Variants in ZFPM2 observed in about 807,000 individuals in gnomAD.
The protein encoded by ZFPM2 is zinc finger protein, FOG family member 2.
In ZFPM2, 20 loss-of-function variants were observed where a neutral mutation model predicts 98.6. The observed-to-expected ratio is 0.20, with a 90% CI of 0.14 to 0.29. The LOEUF (loss-of-function observed/expected upper bound fraction) is 0.29. Ranked by LOEUF, ZFPM2 falls within the 10% of genes least tolerant of loss-of-function variation. ZFPM2 has a pLI of 1.00. For missense variants in ZFPM2, 1,310 were observed against 1,388.6 expected (o/e 0.94, Z 0.90); for synonymous variants, 518 against 502.7 (o/e 1.03, Z -0.41).
At chr8:105,561,571 T>G (rs1193343379) in intron 4 of ZFPM2, 90 bp downstream of exon 4, 1 of 1,027,334 alleles carries the variant, frequency 9.7e-7, no homozygotes, top group East Asian at 2.6e-5. Context: ...TGCTTTCCAA[T>G]GAAATCACTA....
At chr8:105,687,951 AAAT>A (rs1810779208) in intron 5 of ZFPM2, among the ~76,000 whole-genome samples, 1 of 152,110 alleles carries the variant, frequency 6.6e-6, no homozygotes, top group African/African-American at 2.4e-5. Flanking sequence ...GCAAAAAAGA[AAAT>A]AAAGTTGAGT....
intron 1 of ZFPM2, among the ~76,000 whole-genome samples, chr8:105,386,302 T>A (rs1810988718): frequency 6.6e-6 from 1 of 152,154 alleles, no homozygotes; most frequent in African/African-American, 2.4e-5. Context: ...CATACATTTT[T>A]AATTTTTTTA....
At chr8:105,616,988 G>A (rs942168210) in intron 4 of ZFPM2, among the ~76,000 whole-genome samples, 2 of 118,620 alleles carry the variant, frequency 1.7e-5, no homozygotes, top group Admixed American at 1.2e-4. Flanking sequence ...CTGCACTCCA[G>A]CCTGGGGGAC....
intron 5 of ZFPM2, among the ~76,000 whole-genome samples, chr8:105,684,072 T>C (rs1384188842): frequency 2.0e-5 from 3 of 152,132 alleles, no homozygotes; most frequent in Admixed American, 1.3e-4. Context: ...ACCTTACAGA[T>C]AGAGAAATCA....
intron 5 of ZFPM2, among the ~76,000 whole-genome samples, chr8:105,669,790 A>G (rs1174437812): frequency 6.6e-6 from 1 of 152,172 alleles, no homozygotes; most frequent in African/African-American, 2.4e-5. Flanking sequence ...GACTACAGCT[A>G]TGTCATGTAG....
Position 105,801,396 on chromosome 8 carries a change from G to T in ZFPM2, c.1314G>T (p.Leu438=), listed in dbSNP as rs758891403. ...AAGATGCGAGCTCTGACACAGAGCTGGACAAGTGTGAGAAAAAGACTCAGC... is the reference window on the plus strand; with the variant it reads ...AAGATGCGAGCTCTGACACAGAGCTTGACAAGTGTGAGAAAAAGACTCAGC... ...QTKDASSDTE[L]DKCEKKTQLF... is the part of the protein sequence containing the mutation. Residue 438 remains leucine, a synonymous_variant, in exon 8 of 8, where the codon CTG becomes CTT. Transcript: ENST00000407775. The T allele has an allele frequency of 5.6e-6, 9 of 1,613,714 alleles. No homozygotes were observed. The South Asian group carries it at 9.9e-5, about 18-fold the overall frequency.
At chr8:105,763,865 A>T (rs1164540324) in intron 5 of ZFPM2, among the ~76,000 whole-genome samples, 2 of 151,836 alleles carry the variant, frequency 1.3e-5, no homozygotes, top group African/African-American at 4.8e-5. Flanking sequence ...TCATATCTAA[A>T]AAAAGATGGG....
chr8:105,626,085 C>T (rs1401364780), intron 4 of ZFPM2, among the ~76,000 whole-genome samples: 2 of 151,952 alleles, frequency 1.3e-5, no homozygotes, highest in Non-Finnish European at 2.9e-5. Context: ...CTCGGTTTAA[C>T]TTTCAAAAGC....
chr8:105,474,085 G>A (rs1812963857), intron 3 of ZFPM2, among the ~76,000 whole-genome samples: 1 of 152,232 alleles, frequency 6.6e-6, no homozygotes, highest in African/African-American at 2.4e-5. Context: ...ATACTTGATA[G>A]TCCATTAACA....
chr8:105,802,546 T>G lies in ZFPM2; in HGVS notation c.2464T>G (p.Ser822Ala). ...SKCDTTHSSV[S>A]CLEMDVPIDL... The stretch of plus-strand genomic sequence containing the variant: ...ATGTGATACTACTCATTCCAGTGTT[T>G]CCTGCCTAGAGATGGACGTGCCCAT... The change falls in exon 8 of 8, where the codon TCC becomes GCC. Residue 822 changes from serine to alanine, a missense_variant. Ser to Ala is a moderately conservative substitution (Grantham distance 99, BLOSUM62 1). Transcript: ENST00000407775. 6.2e-7 allele frequency: 1 copy of G among 1,611,988 alleles called. No homozygotes were observed. The highest frequency in any genetic ancestry group is 8.5e-7 in the Non-Finnish European group (1 of 1,178,962).
intron 5 of ZFPM2, among the ~76,000 whole-genome samples, chr8:105,683,466 A>G (rs1810658966): frequency 6.6e-6 from 1 of 152,140 alleles, no homozygotes; most frequent in African/African-American, 2.4e-5. Context: ...TACACAATGG[A>G]TGACTACAAG....
chr8:105,432,175 T>G (rs138816284), intron 2 of ZFPM2, among the ~76,000 whole-genome samples: 20 of 152,072 alleles, frequency 1.3e-4, no homozygotes, highest in African/African-American at 4.6e-4. Context: ...TTCTGAAAGC[T>G]GAAATATGAA....
At chr8:105,546,701 G>T (rs1241955656) in intron 3 of ZFPM2, among the ~76,000 whole-genome samples, 1 of 152,070 alleles carries the variant, frequency 6.6e-6, no homozygotes, top group Non-Finnish European at 1.5e-5. Flanking sequence ...AACTTAGGAG[G>T]ATCAGTTAGG....
intron 2 of ZFPM2, among the ~76,000 whole-genome samples, chr8:105,424,572 C>A (rs1811868406): frequency 6.6e-6 from 1 of 152,112 alleles, no homozygotes; most frequent in African/African-American, 2.4e-5. Flanking sequence ...TTTAAAGATT[C>A]TTTAACATAA....
chr8:105,514,163 C>T (rs935128488), intron 3 of ZFPM2, among the ~76,000 whole-genome samples: 5 of 151,962 alleles, frequency 3.3e-5, no homozygotes, highest in Admixed American at 1.3e-4. Context: ...CCATCACACG[C>T]GTCTAAATTT....
chr8:105,634,407 C>A, intron 5 of ZFPM2, 50 bp downstream of exon 5: 2 of 1,368,478 alleles, frequency 1.5e-6, no homozygotes, highest in Non-Finnish European at 2.1e-6. Context: ...AAAACCTGAG[C>A]ATTGCAAAAC....
chr8:105,417,838 G>C (rs982458658), intron 1 of ZFPM2, among the ~76,000 whole-genome samples: 4 of 152,034 alleles, frequency 2.6e-5, no homozygotes, highest in African/African-American at 9.7e-5. Context: ...GTTGGAATTA[G>C]GGCATCCTTT....
At chr8:105,372,044 A>G (rs1367853592) in intron 1 of ZFPM2, among the ~76,000 whole-genome samples, 1 of 136,002 alleles carries the variant, frequency 7.4e-6, no homozygotes, top group African/African-American at 3.3e-5. Context: ...TATTATTATT[A>G]TTATTTTATT....
intron 3 of ZFPM2, among the ~76,000 whole-genome samples, chr8:105,458,249 T>A (rs1174417988): frequency 6.6e-6 from 1 of 152,170 alleles, no homozygotes; most frequent in Non-Finnish European, 1.5e-5. Context: ...TAATACAAGG[T>A]CACATACAAG....
Sources: allele counts gnomAD v4.1 joint callset (sites outside exome capture counted in the v4.1 genomes callset), GRCh38; gene constraint gnomAD v4.1.1; transcripts MANE v1.5; gene names NCBI Gene and HGNC (gene_info 2026-07-23, HGNC 2026-07-21).